Variants in ANKRD36C observed in about 807,000 individuals in gnomAD.
ANKRD36C encodes the protein ankyrin repeat domain 36C, also known as ankyrin repeat domain-containing protein 36C.
Under a neutral mutation model 276.4 loss-of-function variants are expected in ANKRD36C, and 61 were observed. The observed-to-expected ratio is 0.22, with a 90% confidence interval of 0.18 to 0.27. The LOEUF (loss-of-function observed/expected upper bound fraction) is 0.27. ANKRD36C is among the 10% of genes least tolerant of loss of function. ANKRD36C has a pLI of 1.00. For synonymous variants in ANKRD36C, 483 were observed against 680.1 expected, an observed-to-expected ratio of 0.71 and a Z score of 4.51; for missense variants, 1,447 against 2,032.3, an observed-to-expected ratio of 0.71 and a Z score of 5.54.
intron 42 of ANKRD36C, 49 bp from the exon 45 acceptor site, chr2:95,910,617 G>A: frequency 6.2e-7 from 1 of 1,601,334 alleles, no homozygotes; most frequent in Non-Finnish European, 8.5e-7. Flanking sequence ...ATATGACAAA[G>A]ATATCCATAC....
intron 59 of ANKRD36C, among the ~76,000 whole-genome samples, chr2:95,872,771 A>G (rs1675845609): frequency 6.6e-6 from 1 of 152,196 alleles, no homozygotes; most frequent in African/African-American, 2.4e-5. Context: ...GACAGCTAGC[A>G]AGACTAAAAA....
chr2:95,944,403 C>T (rs548966686), intron 19 of ANKRD36C, among the ~76,000 whole-genome samples: 620 of 152,320 alleles, frequency 4.1e-3, no homozygotes, highest in Non-Finnish European at 7.5e-3. Context: ...TGTTGTCACA[C>T]TTCTTTTCTA....
chr2:95,870,678 G>C (rs1046357176), intron 59 of ANKRD36C, among the ~76,000 whole-genome samples: 11 of 152,204 alleles, frequency 7.2e-5, no homozygotes, highest in African/African-American at 2.7e-4. Context: ...TGACTTTGAC[G>C]AGTTGAGAGA....
At chr2:95,878,259 CAG>C (rs1282480791) in intron 58 of ANKRD36C, among the ~76,000 whole-genome samples, 4 of 150,778 alleles carry the variant, frequency 2.7e-5, no homozygotes, top group Non-Finnish European at 4.4e-5. Flanking sequence ...TAAATTTCCA[CAG>C]ACTTATTAAT....
intron 56 of ANKRD36C, among the ~76,000 whole-genome samples, chr2:95,881,591 T>C (rs1345364368): frequency 3.3e-5 from 5 of 152,084 alleles, no homozygotes; most frequent in African/African-American, 1.2e-4. Context: ...TTTGAATAAC[T>C]AATAAAAAAT....
chr2:95,910,735 G>A (rs1676891741), intron 42 of ANKRD36C, among the ~76,000 whole-genome samples, 167 bp from the exon 45 acceptor site: 1 of 151,416 alleles, frequency 6.6e-6, no homozygotes, highest in Non-Finnish European at 1.5e-5. Flanking sequence ...AGTACACTGA[G>A]AAAAGGGAAT....
rs1677331730 is a variant in ANKRD36C, at chr2:95,923,585, C to A, written c.2071-18G>T. On this transcript the variant is annotated intron_variant, in intron 31 of 66. Transcript: ENST00000456556. ...CTTGTAGCCTGAAAGTAATTTGAAG[C>A]AAATTATCAATAAAGAAAGTATGTT... 6.2e-7 allele frequency: 1 copy of A among 1,608,828 alleles called. No individual in the cohort carries two copies.
intron 44 of ANKRD36C, chr2:95,894,125 C>G (rs1208891003): frequency 3.8e-6 from 1 of 260,268 alleles, no homozygotes; most frequent in Non-Finnish European, 7.4e-6. Context: ...AGGATTTACA[C>G]CATTATACTA....
intron 4 of ANKRD36C, 78 bp from the exon 5 acceptor site, chr2:95,980,863 G>A: frequency 2.0e-6 from 3 of 1,502,834 alleles, no homozygotes; most frequent in Non-Finnish European, 2.7e-6. Flanking sequence ...AACTTAATAT[G>A]TTGCCTGTCC....
exon 10 of ANKRD36C, chr2:95,960,504 T>G (rs1183116891): frequency 3.9e-6 from 6 of 1,535,708 alleles, no homozygotes; most frequent in Admixed American, 2.0e-5. Context: ...CTTTTATTTC[T>G]GTGGCTGTGT....
chr2:95,937,979 C>G (rs568748084), intron 22 of ANKRD36C, among the ~76,000 whole-genome samples: 2 of 149,986 alleles, frequency 1.3e-5, no homozygotes, highest in East Asian at 3.9e-4. Context: ...GTGGTGCAGT[C>G]ATAAAACAAA....
intron 32 of ANKRD36C, 124 bp downstream of exon 32, chr2:95,923,371 A>C: frequency 7.7e-7 from 1 of 1,306,378 alleles, no homozygotes; most frequent in Non-Finnish European, 1.1e-6. Flanking sequence ...TTACAAATGA[A>C]GAATCTCCGG....
Position 95,902,893 on chromosome 2 carries a change from A to G in ANKRD36C, c.2654-3557T>C, listed in dbSNP as rs1017049880. ...ATCTCTTTTCAAAATTACCTCTCCT[A>G]GTTTTTTCTCCATACTTTTTTCCTC... On this transcript the variant is annotated intron_variant, in intron 42 of 66. Coordinates refer to ENST00000456556, the Ensembl canonical transcript of ANKRD36C. The G allele has an allele frequency of 5.7e-6, 9 of 1,577,984 alleles. No individual in the cohort carries two copies. The African/African-American group carries it at 9.5e-5, about 17-fold the overall frequency.
chr2:95,946,163 A>AAAAAAAC (rs1678042987), intron 17 of ANKRD36C, among the ~76,000 whole-genome samples: 1 of 149,224 alleles, frequency 6.7e-6, no homozygotes, highest in African/African-American at 2.4e-5. Flanking sequence ...GAGGAAAAAA[A>AAAAAAAC]AAAAAAAAAA....
chr2:95,886,155 A>G, intron 51 of ANKRD36C, 35 bp from the exon 72 acceptor site: 2 of 1,577,272 alleles, frequency 1.3e-6, no homozygotes, highest in Middle Eastern at 3.4e-4. Context: ...ATCAATACAT[A>G]AAGTATATAT....
At chr2:95,948,986 A>C (rs1416651454) in intron 16 of ANKRD36C, among the ~76,000 whole-genome samples, 3 of 152,144 alleles carry the variant, frequency 2.0e-5, no homozygotes, top group Non-Finnish European at 4.4e-5. Context: ...GAACTGCAGT[A>C]AACCTGATAA....
At chr2:95,970,404 T>C (rs555498075) in intron 6 of ANKRD36C, among the ~76,000 whole-genome samples, 69 of 152,204 alleles carry the variant, frequency 4.5e-4, no homozygotes, top group African/African-American at 1.6e-3. Flanking sequence ...CCAATCTGAG[T>C]CTTGTTTCCT....
intron 13 of ANKRD36C, among the ~76,000 whole-genome samples, chr2:95,955,448 T>G (rs1678304629): frequency 6.6e-6 from 1 of 152,194 alleles, no homozygotes; most frequent in Admixed American, 6.6e-5. Flanking sequence ...ATCATTTCCC[T>G]TATCTTTATC....
At chr2:95,988,941 G>C (rs1679084485) in intron 1 of ANKRD36C, among the ~76,000 whole-genome samples, 1 of 152,138 alleles carries the variant, frequency 6.6e-6, no homozygotes. Flanking sequence ...GCCGAGGCGG[G>C]GGGATCACCT....
Sources: gnomAD v4.1 joint callset for allele counts (sites outside exome capture counted in the v4.1 genomes callset) on GRCh38, gnomAD v4.1.1 for gene constraint, MANE v1.5 for transcripts, NCBI Gene and HGNC (gene_info 2026-07-23, HGNC 2026-07-21) for gene names.